IQCM: variants seen among roughly 807,000 people sequenced by gnomAD.
IQCM encodes IQ domain-containing protein M.
A neutral mutation model predicts 57.6 loss-of-function variants in IQCM; 45 were observed. That is an observed-to-expected ratio of 0.78 (90% CI 0.62 to 1.00). The LOEUF (loss-of-function observed/expected upper bound fraction) is 1.00. Among genes scored for constraint, IQCM ranks in the 50% least tolerant of loss-of-function variants. The probability of loss-of-function intolerance (pLI) is 0.00; values close to 1 mark genes in which losing one functional copy is unlikely to be tolerated. For synonymous variants in IQCM, 148 were observed against 158.9 expected, an observed-to-expected ratio of 0.93 and a Z score of 0.51; for missense variants, 468 against 511.6, an observed-to-expected ratio of 0.91 and a Z score of 0.82.
At chr4:149,382,958 A>C (rs1382537919) in intron 13 of IQCM, among the ~76,000 whole-genome samples, 1 of 151,464 alleles carries the variant, frequency 6.6e-6, no homozygotes, top group Non-Finnish European at 1.5e-5. Flanking sequence ...TTTATTTTTA[A>C]TCTTATTTTG....
At chr4:149,590,247 C>CTTTTTTTTTTTTTTTTT (rs71596214) in intron 8 of IQCM, among the ~76,000 whole-genome samples, 8 of 73,610 alleles carry the variant, frequency 1.1e-4, no homozygotes, top group Admixed American at 1.7e-4. Flanking sequence ...TTTTTCTTTC[C>CTTTTTTTTTTTTTTTTT]TTTTTTTTTT....
intron 7 of IQCM, among the ~76,000 whole-genome samples, chr4:149,679,013 A>G (rs1761979604): frequency 6.6e-6 from 1 of 151,756 alleles, no homozygotes; most frequent in South Asian, 2.1e-4. Flanking sequence ...CGTATGATCC[A>G]GAAATTCTGC....
At chr4:149,576,632 A>G (rs531680349) in intron 9 of IQCM, among the ~76,000 whole-genome samples, 3 of 152,046 alleles carry the variant, frequency 2.0e-5, no homozygotes, top group African/African-American at 7.2e-5. Context: ...CATTTTCTTT[A>G]TCTAATCCAC....
intron 13 of IQCM, among the ~76,000 whole-genome samples, chr4:149,423,898 G>A (rs1183398317): frequency 6.6e-6 from 1 of 151,826 alleles, no homozygotes; most frequent in African/African-American, 2.4e-5. Context: ...AAATTTAAAT[G>A]TTAAAGAACT....
At chr4:149,516,360 C>T (rs755960398) in intron 12 of IQCM, among the ~76,000 whole-genome samples, 1 of 152,302 alleles carries the variant, frequency 6.6e-6, no homozygotes, top group East Asian at 1.9e-4. Flanking sequence ...TTACAACCAT[C>T]ATGGTATTCC....
At chr4:149,438,763 T>C (rs1735622314) in intron 12 of IQCM, among the ~76,000 whole-genome samples, 1 of 152,052 alleles carries the variant, frequency 6.6e-6, no homozygotes, top group Admixed American at 6.6e-5. Context: ...GAAAGATCAT[T>C]CTTAAAGATC....
At chr4:149,420,285 A>G (rs1734035177) in intron 13 of IQCM, among the ~76,000 whole-genome samples, 2 of 152,168 alleles carry the variant, frequency 1.3e-5, no homozygotes, top group African/African-American at 2.4e-5. Context: ...AATGTGGTAC[A>G]TATACACGAT....
chr4:149,438,968 A>G (rs1209943046), intron 12 of IQCM, among the ~76,000 whole-genome samples: 1 of 152,068 alleles, frequency 6.6e-6, no homozygotes, highest in Non-Finnish European at 1.5e-5. Flanking sequence ...CTAAGAGTAA[A>G]TAATAATATA....
chr4:149,578,144 A>C (rs925415222), intron 9 of IQCM, among the ~76,000 whole-genome samples: 1 of 151,802 alleles, frequency 6.6e-6, no homozygotes, highest in Admixed American at 6.6e-5. Context: ...TTCTAGGTTT[A>C]GAATCATTTC....
rs1198569798 is a variant in IQCM at position 149,596,059 on chromosome 4, C to A, written c.682-8062G>T. ...CTAGAGAAAATTTCTTTAACCTTCA[C>A]AAAAAATTAAAACCACAGAAATTTA... On this transcript the variant is annotated intron_variant, in intron 8 of 13. Transcript: ENST00000636793. 2.6e-5 allele frequency among the ~76,000 whole-genome samples: 4 copies of A among 151,972 alleles called. No individual in the cohort carries two copies. The East Asian group carries it at 7.7e-4, about 29-fold the overall frequency.
intron 10 of IQCM, among the ~76,000 whole-genome samples, chr4:149,562,554 T>C (rs531175464): frequency 6.6e-6 from 1 of 152,332 alleles, no homozygotes; most frequent in Non-Finnish European, 1.5e-5. Flanking sequence ...GATCTGTCAA[T>C]GTCTTAGACA....
At chr4:149,517,074 C>T (rs1453948628) in intron 12 of IQCM, among the ~76,000 whole-genome samples, 1 of 141,210 alleles carries the variant, frequency 7.1e-6, no homozygotes, top group Non-Finnish European at 1.5e-5. Flanking sequence ...CTACAAATGA[C>T]CAGACCCTTC....
chr4:149,408,897 A>G (rs1398089995), intron 13 of IQCM, among the ~76,000 whole-genome samples: 1 of 152,124 alleles, frequency 6.6e-6, no homozygotes, highest in Non-Finnish European at 1.5e-5. Flanking sequence ...GTGTTTTTTT[A>G]TGTCATTCAA....
intron 2 of IQCM, among the ~76,000 whole-genome samples, chr4:149,775,321 A>G (rs1045059634): frequency 6.6e-6 from 1 of 152,198 alleles, no homozygotes; most frequent in Non-Finnish European, 1.5e-5. Flanking sequence ...AAGACAAAAA[A>G]AAAAGTAGTG....
intron 5 of IQCM, among the ~76,000 whole-genome samples, chr4:149,691,499 TGAA>T: frequency 6.6e-6 from 1 of 151,856 alleles, no homozygotes; most frequent in East Asian, 1.9e-4. Flanking sequence ...TGCAGAAAAG[TGAA>T]GGAGGAAAAG....
intron 5 of IQCM, among the ~76,000 whole-genome samples, chr4:149,699,695 C>CAA (rs34250922): frequency 0.016 from 402 of 25,886 alleles, 25 homozygotes; most frequent in African/African-American, 0.043. Context: ...GTTTGAGTGG[C>CAA]AAAAAAAAAA....
intron 5 of IQCM, among the ~76,000 whole-genome samples, chr4:149,726,471 C>T (rs1276455372): frequency 2.0e-5 from 3 of 152,290 alleles, no homozygotes; most frequent in Non-Finnish European, 4.4e-5. Flanking sequence ...TGATTTGGCT[C>T]CTGTTCATTT....
chr4:149,697,403 AT>A (rs751812989), intron 5 of IQCM, among the ~76,000 whole-genome samples: 73 of 152,280 alleles, frequency 4.8e-4, no homozygotes, highest in Non-Finnish European at 7.8e-4. Context: ...TAATAAAAAA[AT>A]AAAGTCATTT....
chr4:149,517,590 T>C (rs112835910), intron 12 of IQCM, among the ~76,000 whole-genome samples: 22 of 152,226 alleles, frequency 1.4e-4, no homozygotes, highest in African/African-American at 5.3e-4. Context: ...AGTGTCAACT[T>C]GATTGGATTG....
Sources: gnomAD v4.1 joint callset for allele counts (sites outside exome capture counted in the v4.1 genomes callset) on GRCh38, gnomAD v4.1.1 for gene constraint, MANE v1.5 for transcripts, NCBI Gene and HGNC (gene_info 2026-07-23, HGNC 2026-07-21) for gene names.